Variants in TMEM132D observed in about 807,000 individuals in gnomAD.
TMEM132D encodes the protein transmembrane protein 132D.
Under a neutral mutation model 62.3 loss-of-function variants are expected in TMEM132D, and 21 were observed. The observed-to-expected ratio is 0.34, with a 90% CI of 0.24 to 0.49. The LOEUF (loss-of-function observed/expected upper bound fraction) is 0.49, where lower values mean the gene tolerates loss of function less well. TMEM132D is among the 20% of genes least tolerant of loss of function. The probability of loss-of-function intolerance (pLI) is 0.99; values close to 1 mark genes in which losing one functional copy is unlikely to be tolerated. For synonymous variants in TMEM132D, 621 were observed against 575.6 expected, an observed-to-expected ratio of 1.08 and a Z score of -1.13; for missense variants, 1,346 against 1,402.8, an observed-to-expected ratio of 0.96 and a Z score of 0.65.
At chr12:129,522,339 T>C (rs1875872954) in intron 3 of TMEM132D, among the ~76,000 whole-genome samples, 1 of 152,196 alleles carries the variant, frequency 6.6e-6, no homozygotes, top group African/African-American at 2.4e-5. Context: ...TTTGCACCAG[T>C]TGGACTGTAA....
At chr12:129,188,125 A>T (rs901830982) in intron 5 of TMEM132D, among the ~76,000 whole-genome samples, 1 of 152,192 alleles carries the variant, frequency 6.6e-6, no homozygotes, top group Non-Finnish European at 1.5e-5. Flanking sequence ...AGAGTTGAAG[A>T]CTGTTTTCTA....
intron 2 of TMEM132D, among the ~76,000 whole-genome samples, chr12:129,586,722 G>T (rs1311224017): frequency 6.6e-6 from 1 of 152,094 alleles, no homozygotes; most frequent in East Asian, 1.9e-4. Context: ...TATGAACCTG[G>T]GAGTGAACGT....
intron 3 of TMEM132D, among the ~76,000 whole-genome samples, chr12:129,339,963 C>T (rs1869414803): frequency 6.6e-6 from 1 of 152,176 alleles, no homozygotes; most frequent in Non-Finnish European, 1.5e-5. Flanking sequence ...ACAATCCTTG[C>T]CCGCAGTAGA....
intron 1 of TMEM132D, among the ~76,000 whole-genome samples, chr12:129,763,188 C>T (rs1218021850): frequency 6.6e-6 from 1 of 152,184 alleles, no homozygotes; most frequent in Non-Finnish European, 1.5e-5. Context: ...GCTGATCCTC[C>T]CATCTCGGTC....
intron 2 of TMEM132D, among the ~76,000 whole-genome samples, chr12:129,628,793 C>T (rs553613607): frequency 2.9e-4 from 44 of 152,212 alleles, no homozygotes; most frequent in Non-Finnish European, 1.3e-4. Flanking sequence ...ATACCTGCTG[C>T]TTTTAGAATA....
At chr12:129,173,695 G>A (rs966452990) in intron 5 of TMEM132D, among the ~76,000 whole-genome samples, 6 of 152,146 alleles carry the variant, frequency 3.9e-5, no homozygotes, top group African/African-American at 1.4e-4. Context: ...CATTTTTGTA[G>A]CTAAGTCATA....
chr12:129,895,301 A>G (rs1410994166), intron 1 of TMEM132D, among the ~76,000 whole-genome samples: 2 of 152,162 alleles, frequency 1.3e-5, no homozygotes, highest in African/African-American at 4.8e-5. Context: ...TGAAATCTCT[A>G]TCTTTACTCC....
chr12:129,515,672 G>A (rs1252568480), intron 3 of TMEM132D, among the ~76,000 whole-genome samples: 1 of 152,124 alleles, frequency 6.6e-6, no homozygotes, highest in Non-Finnish European at 1.5e-5. Flanking sequence ...TCATTCCAGA[G>A]GGGTCCTGCC....
intron 5 of TMEM132D, among the ~76,000 whole-genome samples, chr12:129,196,094 T>A (rs1379383308): frequency 6.6e-6 from 1 of 151,620 alleles, no homozygotes; most frequent in African/African-American, 2.4e-5. Context: ...GCCACTGCAC[T>A]CCAACCTGGG....
intron 2 of TMEM132D, among the ~76,000 whole-genome samples, chr12:129,582,156 A>G (rs1334723680): frequency 6.6e-6 from 1 of 152,224 alleles, no homozygotes; most frequent in Non-Finnish European, 1.5e-5. Context: ...TACACATCAC[A>G]GTCCACATGG....
chr12:129,158,262 T>C (rs1266299285), intron 5 of TMEM132D, among the ~76,000 whole-genome samples: 1 of 152,182 alleles, frequency 6.6e-6, no homozygotes, highest in African/African-American at 2.4e-5. Context: ...TGGCTGACTC[T>C]GTGTTTGCAC....
intron 4 of TMEM132D, among the ~76,000 whole-genome samples, chr12:129,243,573 C>A (rs920189072): frequency 1.3e-5 from 2 of 152,082 alleles, no homozygotes; most frequent in Non-Finnish European, 2.9e-5. Context: ...ATATTTTTTG[C>A]AAACCAGATT....
chr12:129,202,211 G>T (rs1878724041), intron 5 of TMEM132D, among the ~76,000 whole-genome samples: 1 of 152,182 alleles, frequency 6.6e-6, no homozygotes, highest in African/African-American at 2.4e-5. Flanking sequence ...AAAGACTGGG[G>T]CCTTTAAAGG....
intron 2 of TMEM132D, among the ~76,000 whole-genome samples, chr12:129,583,616 C>G (rs1053673944): frequency 2.6e-5 from 4 of 152,186 alleles, no homozygotes; most frequent in Non-Finnish European, 5.9e-5. Flanking sequence ...CCAGTGAGAA[C>G]AGACCAACAA....
intron 7 of TMEM132D, among the ~76,000 whole-genome samples, chr12:129,081,534 A>C (rs1054158242): frequency 6.6e-6 from 1 of 152,150 alleles, no homozygotes; most frequent in Non-Finnish European, 1.5e-5. Flanking sequence ...TACTGAGCTC[A>C]TGACCTGCCC....
At chr12:129,188,988 G>C (rs1242877275) in intron 5 of TMEM132D, among the ~76,000 whole-genome samples, 1 of 152,168 alleles carries the variant, frequency 6.6e-6, no homozygotes, top group Non-Finnish European at 1.5e-5. Context: ...GACCTACAGT[G>C]CCATTTGGTT....
intron 4 of TMEM132D, among the ~76,000 whole-genome samples, chr12:129,310,487 G>C (rs754550398): frequency 1.3e-5 from 2 of 152,216 alleles, no homozygotes; most frequent in Non-Finnish European, 2.9e-5. Flanking sequence ...AACCGGAAAG[G>C]AAAGTACTGT....
chr12:129,349,938 A>G (rs1006871840), intron 3 of TMEM132D, among the ~76,000 whole-genome samples: 3 of 152,200 alleles, frequency 2.0e-5, no homozygotes, highest in African/African-American at 7.2e-5. Context: ...TTCACTTGGC[A>G]TGGAGGTCAG....
intron 3 of TMEM132D, among the ~76,000 whole-genome samples, chr12:129,378,606 C>T (rs1870850141): frequency 6.6e-6 from 1 of 152,168 alleles, no homozygotes; most frequent in African/African-American, 2.4e-5. Flanking sequence ...CTTCTCAGGT[C>T]TGTCTGCCCT....
Sources: allele counts gnomAD v4.1 joint callset (sites outside exome capture counted in the v4.1 genomes callset), GRCh38; gene constraint gnomAD v4.1.1; transcripts MANE v1.5; gene names NCBI Gene and HGNC (gene_info 2026-07-23, HGNC 2026-07-21).